Variants in TACC2 observed in about 807,000 individuals in gnomAD.
TACC2 encodes the protein transforming acidic coiled-coil-containing protein 2.
Under a neutral mutation model 227.3 loss-of-function variants are expected in TACC2, and 137 were observed. The ratio of observed to expected loss-of-function variants is 0.60; its 90% CI spans 0.52 to 0.69. The LOEUF (loss-of-function observed/expected upper bound fraction) is 0.69. TACC2 is among the 30% of genes least tolerant of loss of function. The pLI, the probability that TACC2 is intolerant of heterozygous loss-of-function variation, is 0.00. For missense variants in TACC2, 3,470 were observed against 3,694.4 expected (o/e 0.94, Z 1.57); for synonymous variants, 1,523 against 1,487.5 (o/e 1.02, Z -0.55).
intron 16 of TACC2, 90 bp from the exon 17 acceptor site, chr10:122,237,305 A>G (rs772752863): frequency 1.6e-6 from 2 of 1,258,176 alleles, no homozygotes; most frequent in African/African-American, 1.5e-5. Context: ...AAACCATACA[A>G]TTGGCCCATT....
In TACC2 at chr10:122,211,456, A is replaced by G; in HGVS notation, c.7031A>G (p.Asp2344Gly). The G allele has an allele frequency of 6.2e-7, 1 of 1,613,996 alleles. No individual in the cohort carries two copies. The highest frequency in any genetic ancestry group is 8.5e-7 in the Non-Finnish European group (1 of 1,180,000). ...TYTFDIDKWD[D>G]PNFNPFSSTS... ...ACCTTTGATATTGACAAGTGGGATG[A>G]CCCCAATTTTAACCCTTTTTCTTCC... The change falls in exon 9 of 23, where the codon GAC becomes GGC. Residue 2344 changes from aspartate to glycine, a missense_variant. Coordinates refer to ENST00000369005, the MANE Select transcript of TACC2 (RefSeq NM_206862.4).
rs535691495 is a variant in TACC2 at position 122,180,118 on chromosome 10, C to A, written c.5835-14922C>A. ...CAGGCGAGTCCTTTCCCCGTGTAAC[C>A]CTCAGTGGCTTTCAGACTCCTCATG... On this transcript the variant is annotated intron_variant, in intron 7 of 22. Transcript: ENST00000369005. The surrounding 1 kb of genome is among the most constrained non-coding windows in gnomAD (Gnocchi z 4.5). 6.6e-6 allele frequency among the ~76,000 whole-genome samples: 1 copy of A among 151,852 alleles called. No individual in the cohort carries two copies. The highest frequency in any genetic ancestry group is 1.5e-5 in the Non-Finnish European group (1 of 67,978).
intron 7 of TACC2, among the ~76,000 whole-genome samples, chr10:122,155,134 T>G (rs1373206385): frequency 6.6e-6 from 1 of 152,194 alleles, no homozygotes; most frequent in Non-Finnish European, 1.5e-5. Flanking sequence ...TGCATTTGCT[T>G]TCTGTGCTTT....
chr10:122,083,799 T>C lies in TACC2; in HGVS notation c.1299T>C (p.Ala433=). The part of the protein sequence containing the change: ...ASFPAAQIPI[A]VEEPGSSSRE... ...TCCCAGCTGCTCAGATTCCTATTGCTGTAGAAGAACCTGGATCATCATCCA... is the reference window on the plus strand; with the variant it reads ...TCCCAGCTGCTCAGATTCCTATTGCCGTAGAAGAACCTGGATCATCATCCA... Residue 433 remains alanine (A), a synonymous_variant, in exon 4 of 23, where the codon GCT becomes GCC. Transcript: ENST00000369005. 6.2e-7 allele frequency: 1 copy of C among 1,614,168 alleles called. No individual in the cohort carries two copies. The highest frequency in any genetic ancestry group is 8.5e-7 in the Non-Finnish European group (1 of 1,180,040).
rs76400371 is a variant in TACC2 at position 122,210,229 on chromosome 10, C to T, written c.5972-168C>T. The T allele has an allele frequency of 2.0e-3, 1,252 of 633,010 alleles. 10 individuals are homozygous for T. The highest frequency in any genetic ancestry group is 0.019 in the East Asian group (703 of 36,380). 39.2% of individuals were successfully genotyped at this position (633,010 alleles called of 1,614,324 possible). ...CCTGGCCTGGGTCTTGAGCTAATTA[C>T]GGGTAGGTCAGGTTCTGTACCCAAG... On this transcript the variant is annotated intron_variant, in intron 8 of 22. Transcript: ENST00000369005. The surrounding 1 kb of genome is among the most constrained non-coding windows in gnomAD (Gnocchi z 4.6).
rs549559418 is a variant in TACC2, at chr10:122,230,207, T to C, written c.8038-144T>C. ...ATTTCATGATCTGCTGAGGTGCTAA[T>C]TGTGAGAGAAAGGCGGAGCGCGTGT... On this transcript the variant is annotated intron_variant, in intron 15 of 22. Transcript: ENST00000369005. 7.5e-4 allele frequency: 525 copies of C among 704,598 alleles called. 1 individual carries two copies. The highest frequency in any genetic ancestry group is 1.1e-3 in the Non-Finnish European group (431 of 383,692). 43.6% of individuals were successfully genotyped at this position (704,598 alleles called of 1,614,324 possible).
chr10:122,086,716 C>G lies in TACC2; in HGVS notation c.4216C>G (p.Pro1406Ala), dbSNP rs2080130126. Residue 1406 changes from proline (P) to alanine (A), a missense_variant, in exon 4 of 23, where the codon CCA becomes GCA. Around this residue, in one of 10 missense-constraint regions of TACC2, gnomAD observed 1,924 missense variants for 1,978.3 expected, o/e 0.97. Transcript: ENST00000369005. Reference protein sequence around the residue: ...SEQIATLTGFPDFREHIAKIF... With the variant: ...SEQIATLTGFADFREHIAKIF... The stretch of plus-strand genomic sequence containing the variant: ...GCAAATCGCCACCCTCACTGGCTTC[C>G]CAGACTTCAGGGAGCACATCGCCAA... The G allele has an allele frequency of 1.2e-6, 2 of 1,613,844 alleles. No homozygotes were observed. Among genetic ancestry groups the G allele is most frequent in the Non-Finnish European group, 1.7e-6 (2 of 1,179,964 alleles).
intron 5 of TACC2, among the ~76,000 whole-genome samples, chr10:122,126,057 G>T (rs954017455): frequency 6.6e-6 from 1 of 151,730 alleles, no homozygotes; most frequent in Non-Finnish European, 1.5e-5. Context: ...GATTACAGGC[G>T]TGAGCCACCA....
At chr10:122,097,827 T>C (rs1172430052) in intron 5 of TACC2, among the ~76,000 whole-genome samples, 2 of 152,070 alleles carry the variant, frequency 1.3e-5, no homozygotes, top group African/African-American at 2.4e-5. Context: ...CAGTGGAGAC[T>C]TCGTGGACAA....
chr10:122,163,633 C>T (rs964199181), intron 7 of TACC2: 9 of 1,030,306 alleles, frequency 8.7e-6, no homozygotes, highest in Non-Finnish European at 1.0e-5. Flanking sequence ...CACCGGCGCT[C>T]ACGCTCATAC....
In TACC2 at chr10:122,123,737, C is replaced by G. The variant is rs954733796; in HGVS notation, c.5574-8872C>G. Among the ~76,000 whole-genome samples the G allele has an allele frequency of 4.6e-5, 7 of 151,892 alleles. No homozygotes were observed. The East Asian group carries it at 9.7e-4, about 21-fold the overall frequency. ...TCAGCTTTCACTCTGTTGGTGAGAACTATGCCGGTGTTCTGAAGTGGGGTG... is the reference window on the plus strand; with the variant it reads ...TCAGCTTTCACTCTGTTGGTGAGAAGTATGCCGGTGTTCTGAAGTGGGGTG... On this transcript the variant is annotated intron_variant, in intron 5 of 22. Transcript: ENST00000369005.
At chr10:122,088,118 CCTGAGGCT>C (rs1565274359) in intron 4 of TACC2, among the ~76,000 whole-genome samples, 159 bp downstream of exon 4, 1 of 152,200 alleles carries the variant, frequency 6.6e-6, no homozygotes, top group Non-Finnish European at 1.5e-5. Flanking sequence ...CTCTGGATGT[CCTGAGGCT>C]CTGAAAAATG....
intron 10 of TACC2, among the ~76,000 whole-genome samples, chr10:122,216,343 A>G (rs1029593860): frequency 2.0e-5 from 3 of 151,654 alleles, no homozygotes; most frequent in Admixed American, 2.0e-4. Flanking sequence ...TCGTAAAACT[A>G]GCAGGAATGC....
chr10:122,057,059 G>A (rs1456477801), intron 3 of TACC2, among the ~76,000 whole-genome samples: 3 of 152,126 alleles, frequency 2.0e-5, no homozygotes. Context: ...TGGCATGGTG[G>A]CGCACACCTG....
At chr10:122,007,203 T>C (rs1301313545) in intron 1 of TACC2, among the ~76,000 whole-genome samples, 2 of 152,122 alleles carry the variant, frequency 1.3e-5, no homozygotes, top group Non-Finnish European at 2.9e-5. Context: ...AAATTTTAAT[T>C]TACATCTGTT....
intron 2 of TACC2, chr10:122,033,179 T>C (rs748412297): frequency 7.0e-6 from 9 of 1,283,796 alleles, no homozygotes; most frequent in Non-Finnish European, 9.1e-6. Context: ...CTGTTCTGCA[T>C]GGCTTCCCTC....
chr10:122,247,073 C>T (rs1327246221), intron 19 of TACC2: 1 of 152,562 alleles, frequency 6.6e-6, no homozygotes, highest in African/African-American at 2.4e-5. Flanking sequence ...AGCATGTGGG[C>T]AAGGATTTGG....
Position 122,143,792 on chromosome 10 carries a change from G to A in TACC2, c.5834+86G>A, listed in dbSNP as rs140131560. The A allele has an allele frequency of 1.5e-3, 2,186 of 1,443,752 alleles. 32 individuals carry two copies. In the African/African-American group the frequency reaches 0.027, roughly 18 times the overall value. 89.4% of individuals were successfully genotyped at this position (1,443,752 alleles called of 1,614,324 possible). On this transcript the variant is annotated intron_variant, in intron 7 of 22. Transcript: ENST00000369005. ...TGCCCCCTAGGTCTTGGGGTGAGCC[G>A]CATTTAGGATGGTAACAAGGTGGTG...
chr10:122,080,068 G>A lies in TACC2; in HGVS notation c.147-2579G>A, dbSNP rs75455297. Reference sequence around the variant, plus strand: ...CAGAAATGTATTTTCTCCTGGTTCTGGAGGCTGGAAGTCCTGGTCAGGGTG... The same window carrying A: ...CAGAAATGTATTTTCTCCTGGTTCTAGAGGCTGGAAGTCCTGGTCAGGGTG... On this transcript the variant is annotated intron_variant, in intron 3 of 22. Transcript: ENST00000369005. Among the ~76,000 whole-genome samples, 952 of 152,266 alleles carry A rather than the reference G, an allele frequency of 6.3e-3. 6 individuals carry two copies. The highest frequency in any genetic ancestry group is 0.022 in the African/African-American group (924 of 41,534).
Sources: allele counts gnomAD v4.1 joint callset (sites outside exome capture counted in the v4.1 genomes callset), GRCh38; gene constraint gnomAD v4.1.1; regional missense constraint gnomAD v4.1.1; non-coding constraint Gnocchi (gnomAD v3.1); transcripts MANE v1.5; gene names NCBI Gene and HGNC (gene_info 2026-07-23, HGNC 2026-07-21).